DACH2: variants seen among roughly 807,000 people sequenced by gnomAD.
DACH2 encodes dachshund homolog 2.
In DACH2, 17 loss-of-function variants were observed where a neutral mutation model predicts 35.8. The observed-to-expected ratio is 0.48, with a 90% confidence interval of 0.33 to 0.71. The LOEUF is 0.71. DACH2 is among the 30% of genes least tolerant of loss of function. The pLI, the probability that DACH2 is intolerant of heterozygous loss-of-function variation, is 0.02. For synonymous variants in DACH2, 195 were observed against 177.3 expected, an observed-to-expected ratio of 1.10 and a Z score of -0.79; for missense variants, 469 against 472.7, an observed-to-expected ratio of 0.99 and a Z score of 0.07.
intron 1 of DACH2, among the ~76,000 whole-genome samples, chrX:86,303,728 CTATA>C (rs35224476): frequency 9.4e-6 from 1 of 105,983 alleles, no homozygotes. Context: ...TGTGAACATA[CTATA>C]TATATATATA....
intron 1 of DACH2, among the ~76,000 whole-genome samples, chrX:86,211,310 CTT>C (rs1415934551): frequency 9.0e-6 from 1 of 111,486 alleles, no homozygotes; most frequent in African/African-American, 3.3e-5. Flanking sequence ...GATTTCTACT[CTT>C]AAGTATATTT....
At chrX:86,720,086 C>T (rs998332023) in intron 6 of DACH2, among the ~76,000 whole-genome samples, 7 of 107,800 alleles carry the variant, frequency 6.5e-5, no homozygotes, top group Admixed American at 3.0e-4. Context: ...TATAGGCCCC[C>T]GCCACCATGC....
At chrX:86,451,621 G>T (rs1243941376) in intron 2 of DACH2, among the ~76,000 whole-genome samples, 1 of 111,536 alleles carries the variant, frequency 9.0e-6, no homozygotes, top group African/African-American at 3.3e-5. Flanking sequence ...AATGAAAATA[G>T]ATTTGAATCT....
intron 2 of DACH2, chrX:86,481,808 T>A (rs1026697495): frequency 8.9e-6 from 1 of 112,156 alleles, no homozygotes; most frequent in Non-Finnish European, 1.9e-5. Context: ...CAGATAATTA[T>A]GGAGCCCTTT....
intron 4 of DACH2, among the ~76,000 whole-genome samples, chrX:86,692,100 A>G (rs2041016259): frequency 1.8e-5 from 2 of 111,699 alleles, no homozygotes; most frequent in Admixed American, 9.5e-5. Flanking sequence ...CCTAATCCAA[A>G]TATCTAGAAT....
chrX:86,369,023 A>G (rs1251684986), intron 1 of DACH2, among the ~76,000 whole-genome samples: 2 of 111,280 alleles, frequency 1.8e-5, no homozygotes, highest in Non-Finnish European at 3.8e-5. Context: ...TGTATATATT[A>G]CATATGAAAA....
intron 2 of DACH2, among the ~76,000 whole-genome samples, chrX:86,396,149 G>C (rs1256813928): frequency 3.6e-5 from 4 of 111,194 alleles, no homozygotes; most frequent in African/African-American, 6.5e-5. Context: ...TGATGATGAG[G>C]ATTTTTTCAT....
intron 1 of DACH2, among the ~76,000 whole-genome samples, chrX:86,237,213 C>G: frequency 9.0e-6 from 1 of 111,604 alleles, no homozygotes; most frequent in Non-Finnish European, 1.9e-5. Flanking sequence ...AATAACAATA[C>G]CTTCTTCTGT....
rs1421770302 is a variant in DACH2 at position 86,401,767 on chromosome X, T to C, written c.527+24905T>C. ...CTTCAGATTAATGCCCCGATGAACATAGATGAAAGAAATCCTCAACAAAAT... is the reference window on the plus strand; with the variant it reads ...CTTCAGATTAATGCCCCGATGAACACAGATGAAAGAAATCCTCAACAAAAT... On this transcript the variant is annotated intron_variant, in intron 2 of 11. Transcript: ENST00000373125. Among the ~76,000 whole-genome samples, 8 of 100,673 alleles carry C rather than the reference T, an allele frequency of 7.9e-5. No homozygotes were observed. In the Admixed American group the frequency reaches 8.5e-4, roughly 11 times the overall value. 87.4% of individuals were successfully genotyped at this position (100,673 alleles called of 115,157 possible).
chrX:86,469,813 T>C (rs1261992471), intron 2 of DACH2, among the ~76,000 whole-genome samples: 1 of 109,062 alleles, frequency 9.2e-6, no homozygotes, highest in Non-Finnish European at 1.9e-5. Flanking sequence ...TTTCCTAATG[T>C]GGAAATATAT....
chrX:86,308,420 T>C (rs1317034378), intron 1 of DACH2, among the ~76,000 whole-genome samples: 1 of 111,221 alleles, frequency 9.0e-6, no homozygotes, highest in Non-Finnish European at 1.9e-5. Flanking sequence ...AGCTCTGGCA[T>C]TGGCTAATTA....
intron 3 of DACH2, among the ~76,000 whole-genome samples, chrX:86,631,066 T>A (rs1437523662): frequency 8.9e-6 from 1 of 112,281 alleles, no homozygotes; most frequent in Non-Finnish European, 1.9e-5. Flanking sequence ...CTTGAATATT[T>A]TGAGATCCTT....
intron 11 of DACH2, 151 bp from the exon 12 acceptor site, chrX:86,831,955 G>T: frequency 2.5e-6 from 1 of 403,402 alleles, no homozygotes; most frequent in Non-Finnish European, 4.3e-6. Flanking sequence ...TGAAAATATA[G>T]AAATGTTAAG....
chrX:86,248,807 A>G (rs1424906360), intron 1 of DACH2, among the ~76,000 whole-genome samples: 3 of 111,483 alleles, frequency 2.7e-5, no homozygotes, highest in Non-Finnish European at 5.7e-5. Context: ...CTACAAGGCT[A>G]CAGTAACCAA....
At chrX:86,751,256 A>G (rs1186474759) in intron 7 of DACH2, among the ~76,000 whole-genome samples, 3 of 111,233 alleles carry the variant, frequency 2.7e-5, no homozygotes, top group Non-Finnish European at 5.7e-5. Flanking sequence ...ATCCAGCAGC[A>G]TATTAAAAAG....
chrX:86,715,591 C>A (rs1206748326), intron 6 of DACH2, among the ~76,000 whole-genome samples: 2 of 111,418 alleles, frequency 1.8e-5, no homozygotes, highest in Non-Finnish European at 3.8e-5. Flanking sequence ...AAATATTATA[C>A]CCTTAATAAT....
At chrX:86,826,278 A>C (rs1238777085) in intron 11 of DACH2, among the ~76,000 whole-genome samples, 2 of 111,500 alleles carry the variant, frequency 1.8e-5, no homozygotes, top group Non-Finnish European at 3.8e-5. Flanking sequence ...ATTATTTCAC[A>C]AAACCAGGGT....
chrX:86,652,174 C>T (rs2040485252), intron 4 of DACH2, among the ~76,000 whole-genome samples: 2 of 111,324 alleles, frequency 1.8e-5, no homozygotes, highest in Non-Finnish European at 3.8e-5. Flanking sequence ...CATTTAGCTC[C>T]CACTTATAAG....
chrX:86,472,251 C>T (rs2037771534), intron 2 of DACH2, among the ~76,000 whole-genome samples: 1 of 111,012 alleles, frequency 9.0e-6, no homozygotes, highest in Non-Finnish European at 1.9e-5. Flanking sequence ...AAGAGGGAGG[C>T]AGGAGAGTCA....
Sources: allele counts gnomAD v4.1 joint callset (sites outside exome capture counted in the v4.1 genomes callset), GRCh38; gene constraint gnomAD v4.1.1; transcripts MANE v1.5; gene names NCBI Gene and HGNC (gene_info 2026-07-23, HGNC 2026-07-21).